The following HDGFL2 variants were observed in gnomAD, a reference collection of about 807,000 sequenced individuals.
The protein encoded by HDGFL2 is HDGF like 2.
In HDGFL2, 36 loss-of-function variants were observed where a neutral mutation model predicts 77.1. The observed-to-expected ratio is 0.47, with a 90% CI of 0.36 to 0.62. HDGFL2 has a LOEUF of 0.62. Among genes scored for constraint, HDGFL2 ranks in the 20% least tolerant of loss-of-function variants. The pLI, the probability that HDGFL2 is intolerant of heterozygous loss-of-function variation, is 0.00. For missense variants in HDGFL2, 976 were observed against 973.4 expected (o/e 1.00, Z -0.04); for synonymous variants, 463 against 413.1 (o/e 1.12, Z -1.46).
chr19:4,481,659 G>A (rs1301138729), intron 3 of HDGFL2, among the ~76,000 whole-genome samples: 1 of 151,150 alleles, frequency 6.6e-6, no homozygotes, highest in African/African-American at 2.4e-5. Context: ...ATTTCACTAT[G>A]TTGGCCAGGC....
chr19:4,499,719 G>T lies in HDGFL2; in HGVS notation c.1789+15G>T, dbSNP rs2145219004. ...GCCCAGCACCGGTGAGGGGCGGGTG[G>T]GGTGGGCCCTGTACCTCAGTCTCCT... is the stretch of plus-strand genomic sequence containing the variant. On this transcript the variant is annotated intron_variant, in intron 14 of 15. Coordinates refer to ENST00000616600, the MANE Select transcript of HDGFL2 (RefSeq NM_001001520.3). 1.3e-6 allele frequency: 2 copies of T among 1,529,880 alleles called. No homozygotes were observed. Among genetic ancestry groups the T allele is most frequent in the Non-Finnish European group, 8.8e-7 (1 of 1,130,634 alleles). 94.8% of individuals were successfully genotyped at this position (1,529,880 alleles called of 1,614,324 possible). A position where few individuals can be genotyped will look rare whatever the true frequency, so the allele number is the denominator to read the frequency against.
chr19:4,491,249 A>ACCCCC, intron 4 of HDGFL2, among the ~76,000 whole-genome samples: 1 of 39,504 alleles, frequency 2.5e-5, no homozygotes, highest in South Asian at 1.6e-3. Context: ...CACTCCCACC[A>ACCCCC]CCCACCCCCC....
chr19:4,491,824 C>T lies in HDGFL2; in HGVS notation c.667C>T (p.Arg223Trp), dbSNP rs369359811. The T allele has an allele frequency of 5.3e-5, 86 of 1,612,994 alleles. No homozygotes were observed. Among genetic ancestry groups the T allele is most frequent in the East Asian group, 1.3e-4 (6 of 44,862 alleles). The change falls in exon 6 of 16, where the codon CGG becomes TGG. Residue 223 changes from arginine to tryptophan, a missense_variant. Coordinates refer to ENST00000616600, the MANE Select transcript of HDGFL2 (RefSeq NM_001001520.3). ...RAPRRGPLGGRKKKKAPSASD... is the reference protein window; with the variant it reads ...RAPRRGPLGGWKKKKAPSASD... ...GCCACGGAGGGGCCCTCTGGGGGGA[C>T]GGAAAAAAAAGGTAGCGTGCACTTG...
At chr19:4,491,949 C>T in intron 6 of HDGFL2, 114 bp downstream of exon 6, 2 of 966,882 alleles carry the variant, frequency 2.1e-6, no homozygotes, top group Non-Finnish European at 3.2e-6. Flanking sequence ...ACACGGACTG[C>T]AGGGTACCCG....
In HDGFL2 at chr19:4,499,547, C is replaced by T. The variant is rs747803282; in HGVS notation, c.1632C>T (p.Thr544=). ...TGGAGAAGGCAGCAGAAGTCTATAC[C>T]CGGCTCAAGTCGCGGGTCCTCGGCC... is the stretch of plus-strand genomic sequence containing the variant. ...DVMEKAAEVY[T]RLKSRVLGPK... The change falls in exon 14 of 16, where the codon ACC becomes ACT. Residue 544 remains threonine, a synonymous_variant. Transcript: ENST00000616600. 2 of 1,613,818 alleles carry T rather than the reference C, an allele frequency of 1.2e-6. No individual in the cohort carries two copies. Among genetic ancestry groups the T allele is most frequent in the Non-Finnish European group, 1.7e-6 (2 of 1,179,952 alleles).
chr19:4,480,308 C>G (rs546546046), intron 3 of HDGFL2, among the ~76,000 whole-genome samples: 1 of 152,298 alleles, frequency 6.6e-6, no homozygotes, highest in South Asian at 2.1e-4. Flanking sequence ...GGTCCCCCAA[C>G]TCCCAGATCC....
chr19:4,477,721 G>T (rs1975107211), intron 3 of HDGFL2, among the ~76,000 whole-genome samples: 1 of 152,182 alleles, frequency 6.6e-6, no homozygotes, highest in Non-Finnish European at 1.5e-5. Context: ...AGTAGCTTTA[G>T]TTGAGGCCAC....
chr19:4,479,834 A>C (rs1314315314), intron 3 of HDGFL2, among the ~76,000 whole-genome samples: 1 of 147,564 alleles, frequency 6.8e-6, no homozygotes, highest in African/African-American at 2.5e-5. Context: ...TGAACCCGGG[A>C]GGCGGAAGTT....
chr19:4,483,873 T>A (rs1329286819), intron 3 of HDGFL2, among the ~76,000 whole-genome samples: 2 of 145,732 alleles, frequency 1.4e-5, no homozygotes, highest in East Asian at 4.1e-4. Flanking sequence ...CACTGCAACC[T>A]CTGCCTCTCG....
At chr19:4,492,123 C>T (rs529516879) in intron 6 of HDGFL2, among the ~76,000 whole-genome samples, 8 of 152,168 alleles carry the variant, frequency 5.3e-5, no homozygotes, top group East Asian at 1.9e-4. Flanking sequence ...AAAGCAAGAG[C>T]GCGAGAGGGA....
At position 4,496,345 on chromosome 19, in the gene HDGFL2, C is replaced by G. The variant is rs374507407; in HGVS notation, c.1268C>G (p.Pro423Arg). ...AKKPQSSSTE[P>R]ARKPGQKEKR... ...AAGCCGCAGTCCTCAAGCACAGAGCCCGCCAGGAAACCTGGCCAGAAGGAG... is the reference window on the plus strand; with the variant it reads ...AAGCCGCAGTCCTCAAGCACAGAGCGCGCCAGGAAACCTGGCCAGAAGGAG... The change falls in exon 10 of 16, where the codon CCC becomes CGC. Residue 423 changes from proline (P) to arginine (R), a missense_variant. This residue lies in a region of HDGFL2 where 567 missense variants were observed against 534.7 expected (regional missense o/e 1.06). Coordinates refer to ENST00000616600, the MANE Select transcript of HDGFL2 (RefSeq NM_001001520.3). 8.1e-6 allele frequency: 13 copies of G among 1,614,020 alleles called. No individual in the cohort carries two copies. The highest frequency in any genetic ancestry group is 1.1e-5 in the Non-Finnish European group (13 of 1,180,010).
intron 1 of HDGFL2, among the ~76,000 whole-genome samples, chr19:4,474,161 G>A (rs1315289506): frequency 6.6e-6 from 1 of 152,002 alleles, no homozygotes. Flanking sequence ...GGAATTTGCC[G>A]GGCAGGACTG....
chr19:4,498,003 G>C lies in HDGFL2; in HGVS notation c.1374G>C (p.Ser458=). 1 of 1,556,476 alleles carries C rather than the reference G, an allele frequency of 6.4e-7. No homozygotes were observed. The highest frequency in any genetic ancestry group is 8.7e-7 in the Non-Finnish European group (1 of 1,149,694). The stretch of plus-strand genomic sequence containing the variant: ...CCCGGAAGCGGTCCGAGGGCTTCTC[G>C]ATGGACAGGAAGGTAGAGAAGAAGA... ...ERTRKRSEGF[S]MDRKVEKKKE... The change falls in exon 11 of 16, where the codon TCG becomes TCC. Residue 458 remains serine (S), a synonymous_variant. Coordinates refer to ENST00000616600, the MANE Select transcript of HDGFL2 (RefSeq NM_001001520.3).
In HDGFL2 at chr19:4,475,307, C is replaced by G. The variant is rs1975042597; in HGVS notation, c.105C>G (p.Pro35=). The change falls in exon 2 of 16, where the codon CCC becomes CCG. Residue 35 remains proline (P), a synonymous_variant. Transcript: ENST00000616600. ...IDDIADGAVK[P]PPNKYPIFFF... is the part of the protein sequence containing the mutation. ...ACATCGCGGATGGCGCCGTGAAGCC[C>G]CCACCCAACAAGTACCCCATCTTTT... 1 of 1,614,134 alleles carries G rather than the reference C, an allele frequency of 6.2e-7. No homozygotes were observed. Among genetic ancestry groups the G allele is most frequent in the African/African-American group, 1.3e-5 (1 of 75,038 alleles).
rs575137372 is a variant in HDGFL2, at chr19:4,490,436, C to T, written c.490-1130C>T. Reference sequence around the variant, plus strand: ...CAGATTCCGGTGTGTGGAGGGAACACGGTGTGTTGATCCACATGTCGCTGG... The same window carrying T: ...CAGATTCCGGTGTGTGGAGGGAACATGGTGTGTTGATCCACATGTCGCTGG... On this transcript the variant is annotated intron_variant, in intron 4 of 15. Transcript: ENST00000616600. Among the ~76,000 whole-genome samples the T allele has an allele frequency of 6.6e-5, 10 of 152,322 alleles. No homozygotes were observed. The South Asian group carries it at 8.3e-4, about 13-fold the overall frequency.
At chr19:4,492,157 G>A (rs1415658508) in intron 6 of HDGFL2, among the ~76,000 whole-genome samples, 2 of 152,206 alleles carry the variant, frequency 1.3e-5, no homozygotes, top group African/African-American at 2.4e-5. Flanking sequence ...AGAGAGGTGT[G>A]TGCCAGTGTG....
At chr19:4,499,261 G>A (rs570008714) in intron 13 of HDGFL2, among the ~76,000 whole-genome samples, 47 of 152,222 alleles carry the variant, frequency 3.1e-4, no homozygotes, top group African/African-American at 1.0e-3. Context: ...CAGGAGAATC[G>A]CTTGAAGCTG....
rs77443573 is a variant in HDGFL2, at chr19:4,480,156, C to G, written c.288+4573C>G. Among the ~76,000 whole-genome samples, 243 of 152,264 alleles carry G rather than the reference C, an allele frequency of 1.6e-3. 5 individuals carry two copies. In the East Asian group the frequency reaches 0.04, roughly 25 times the overall value. On this transcript the variant is annotated intron_variant, in intron 3 of 15. Transcript: ENST00000616600. Reference sequence around the variant, plus strand: ...GGTAATCTTGATGACCAAAATGTCTCTAGACATTTGACCTAGAAGGATCCC... The same window carrying G: ...GGTAATCTTGATGACCAAAATGTCTGTAGACATTTGACCTAGAAGGATCCC...
rs1233011835 is a variant in HDGFL2, at chr19:4,502,016, G to T, written c.*6G>T. ...CCCTGGACGAGGAGAGCTGAGCCGCGGGCAGCCAGGCCCAGCCCCCGCCCG... is the reference window on the plus strand; with the variant it reads ...CCCTGGACGAGGAGAGCTGAGCCGCTGGCAGCCAGGCCCAGCCCCCGCCCG... On this transcript the variant is annotated 3_prime_UTR_variant, in exon 16 of 16. Coordinates refer to ENST00000616600, the MANE Select transcript of HDGFL2 (RefSeq NM_001001520.3). 2.0e-5 allele frequency: 31 copies of T among 1,517,240 alleles called. No individual in the cohort carries two copies. Among genetic ancestry groups the T allele is most frequent in the Middle Eastern group, 1.7e-4 (1 of 5,726 alleles). The allele number at this position is 1,517,240 out of a possible 1,614,324, so 94.0% of individuals were successfully genotyped here.
Sources: gnomAD v4.1 joint callset for allele counts (sites outside exome capture counted in the v4.1 genomes callset) on GRCh38, gnomAD v4.1.1 for gene constraint, gnomAD v4.1.1 regional missense constraint, MANE v1.5 for transcripts, NCBI Gene and HGNC (gene_info 2026-07-23, HGNC 2026-07-21) for gene names.